GPHN: variants seen among roughly 807,000 people sequenced by gnomAD.
GPHN encodes the protein gephyrin.
Under a neutral mutation model 95.5 loss-of-function variants are expected in GPHN, and 17 were observed. The observed-to-expected ratio is 0.18, with a 90% CI of 0.12 to 0.27. GPHN has a LOEUF of 0.27. GPHN is among the 10% of genes least tolerant of loss of function. The pLI is 1.00. For missense variants in GPHN, 660 were observed against 978.1 expected (o/e 0.67, Z 4.34); for synonymous variants, 320 against 322.5 (o/e 0.99, Z 0.08).
intron 8 of GPHN, among the ~76,000 whole-genome samples, chr14:66,964,599 A>G (rs112878965): frequency 0.015 from 2,304 of 152,304 alleles, 32 homozygotes; most frequent in Non-Finnish European, 0.018. Flanking sequence ...AGAAAGAGCT[A>G]TAAGCCAGAA....
chr14:67,699,589 C>CAAA, the GPHN span, among the ~76,000 whole-genome samples: 1,068 of 50,746 alleles, frequency 0.021, 67 homozygotes, highest in African/African-American at 0.077. Flanking sequence ...GACCCTATCT[C>CAAA]AAAAAAAAAA....
chr14:67,335,146 A>C, the GPHN span: 1 of 152,232 alleles, frequency 6.6e-6, no homozygotes, highest in African/African-American at 2.4e-5. Context: ...AGGTCAGTGA[A>C]GTCTATCAAT....
chr14:66,522,253 A>C (rs1221574097), intron 1 of GPHN, among the ~76,000 whole-genome samples: 3 of 152,156 alleles, frequency 2.0e-5, no homozygotes, highest in African/African-American at 7.2e-5. Context: ...TTTTTTAAAG[A>C]GCCCTTTATG....
At chr14:66,742,363 T>C (rs908010630) in intron 2 of GPHN, among the ~76,000 whole-genome samples, 5 of 152,218 alleles carry the variant, frequency 3.3e-5, no homozygotes, top group African/African-American at 1.2e-4. Flanking sequence ...ATATATGATA[T>C]CTTCTTTTAA....
chr14:67,111,728 G>A, intron 14 of GPHN, 133 bp from the exon 15 acceptor site: 1 of 742,640 alleles, frequency 1.3e-6, no homozygotes. Context: ...TTTTCAAAGG[G>A]TGTAGCAAAT....
rs1567400611 is a variant in GPHN, at chr14:67,144,253, ATATATAT to A, written c.1836+805_1836+811del. Reference sequence around the variant, plus strand: ...CCCTGTCTTAAAAAAAAAAAAAAATATATATATATATATATATATATATATATATATA... The same window carrying A: ...CCCTGTCTTAAAAAAAAAAAAAAATAATATATATATATATATATATATATA... On this transcript the variant is annotated intron_variant, in intron 18 of 22. Coordinates refer to ENST00000478722, the MANE Select transcript of GPHN (RefSeq NM_020806.5). 5.8e-4 allele frequency among the ~76,000 whole-genome samples: 27 copies of A among 46,442 alleles called. 1 individual carries two copies. The highest frequency in any genetic ancestry group is 1.4e-3 in the South Asian group (2 of 1,390). The allele number at this position is 46,442 out of a possible 152,430, so 30.5% of individuals were successfully genotyped here.
the GPHN span, chr14:67,386,275 T>C: frequency 6.6e-6 from 1 of 152,670 alleles, no homozygotes; most frequent in Non-Finnish European, 1.5e-5. Context: ...CATTAGCTTG[T>C]GATTTCTCAT....
the GPHN span, among the ~76,000 whole-genome samples, chr14:67,623,858 TGAGA>T: frequency 5.3e-5 from 8 of 152,238 alleles, no homozygotes; most frequent in East Asian, 1.5e-3. Context: ...TATTTTTCTT[TGAGA>T]GAGGGTCTCA....
At chr14:67,395,553 T>G in the GPHN span, 1 of 1,614,026 alleles carries the variant, frequency 6.2e-7, no homozygotes. Flanking sequence ...AAGTACTCCG[T>G]GGATGTTTGA....
At chr14:66,915,560 T>C (rs2065859991) in intron 5 of GPHN, among the ~76,000 whole-genome samples, 1 of 152,322 alleles carries the variant, frequency 6.6e-6, no homozygotes, top group African/African-American at 2.4e-5. Flanking sequence ...AAAACCTTGT[T>C]TTACTTTAAA....
In GPHN at chr14:66,757,346, G is replaced by A. The variant is rs368387243; in HGVS notation, c.144-19118G>A. 8.9e-5 allele frequency among the ~76,000 whole-genome samples: 10 copies of A among 112,434 alleles called. No homozygotes were observed. The South Asian group carries it at 1.1e-3, about 13-fold the overall frequency. The allele number at this position is 112,434 out of a possible 152,430, so 73.8% of individuals were successfully genotyped here. On this transcript the variant is annotated intron_variant, in intron 2 of 22. Coordinates refer to ENST00000478722, the MANE Select transcript of GPHN (RefSeq NM_020806.5). The stretch of plus-strand genomic sequence containing the variant: ...AAAAGGGATATATATATATATACAC[G>A]CACACACACACACACAAATATAAAT...
intron 2 of GPHN, among the ~76,000 whole-genome samples, chr14:66,707,709 G>C (rs543750101): frequency 6.6e-6 from 1 of 151,984 alleles, no homozygotes; most frequent in Non-Finnish European, 1.5e-5. Flanking sequence ...GGGTCAATAG[G>C]TGCAGTAAAT....
At chr14:66,601,537 A>AT (rs1484555989) in intron 1 of GPHN, among the ~76,000 whole-genome samples, 2 of 151,948 alleles carry the variant, frequency 1.3e-5, no homozygotes, top group African/African-American at 2.4e-5. Context: ...CTCTATGACC[A>AT]TTTTTTCCAG....
At chr14:67,595,180 G>GCCTA in the GPHN span, among the ~76,000 whole-genome samples, 1 of 152,112 alleles carries the variant, frequency 6.6e-6, no homozygotes, top group African/African-American at 2.4e-5. Flanking sequence ...ACTTACATTA[G>GCCTA]CCTACAGTTG....
At chr14:67,160,714 G>C (rs1051222806) in intron 19 of GPHN, among the ~76,000 whole-genome samples, 5 of 152,148 alleles carry the variant, frequency 3.3e-5, no homozygotes, top group Non-Finnish European at 7.3e-5. Flanking sequence ...GGAGAGAATG[G>C]AGTAGAGGCT....
Position 67,164,917 on chromosome 14 carries a change from G to GA in GPHN, c.1911-232dup, listed in dbSNP as rs1166963179. 4.2e-3 allele frequency among the ~76,000 whole-genome samples: 555 copies of GA among 131,816 alleles called. 5 individuals carry two copies. Among genetic ancestry groups the GA allele is most frequent in the African/African-American group, 0.013 (467 of 36,086 alleles). 86.5% of individuals were successfully genotyped at this position (131,816 alleles called of 152,430 possible). On this transcript the variant is annotated intron_variant, in intron 19 of 22. Transcript: ENST00000478722. ...GAGTACATTTCTATGGCACTGGCAA[G>GA]AAAAAAAAAAAAAGTAAGTAGTTTT...
At chr14:67,492,313 A>C in the GPHN span, among the ~76,000 whole-genome samples, 1 of 152,184 alleles carries the variant, frequency 6.6e-6, no homozygotes, top group Non-Finnish European at 1.5e-5. Flanking sequence ...AGAGTGAGGC[A>C]TGTGTTACTG....
Position 66,799,782 on chromosome 14 carries a change from A to G in GPHN, c.201+23261A>G, listed in dbSNP as rs538301850. Among the ~76,000 whole-genome samples the G allele has an allele frequency of 6.6e-5, 10 of 152,010 alleles. No individual in the cohort carries two copies. The South Asian group carries it at 1.9e-3, about 28-fold the overall frequency. ...CCATTCTGCCAGTCTTTGTTTTTTA[A>G]TGGAAGCATTTAGTGTAATTACATT... On this transcript the variant is annotated intron_variant, in intron 3 of 22. Transcript: ENST00000478722.
the GPHN span, among the ~76,000 whole-genome samples, chr14:67,460,895 G>A: frequency 5.3e-5 from 8 of 152,092 alleles, no homozygotes; most frequent in African/African-American, 9.7e-5. Flanking sequence ...AAGGGATCAC[G>A]GTCCTGTATA....
Sources: allele counts gnomAD v4.1 joint callset (sites outside exome capture counted in the v4.1 genomes callset), GRCh38; gene constraint gnomAD v4.1.1; transcripts MANE v1.5; gene names NCBI Gene and HGNC (gene_info 2026-07-23, HGNC 2026-07-21).